The following KLHL20 variants were observed in gnomAD, a reference collection of about 807,000 sequenced individuals.
KLHL20 encodes the protein kelch like family member 20.
Under a neutral mutation model 69.5 loss-of-function variants are expected in KLHL20, and 29 were observed. The ratio of observed to expected loss-of-function variants is 0.42; its 90% CI spans 0.31 to 0.57. The LOEUF (loss-of-function observed/expected upper bound fraction) is 0.57. Among genes scored for constraint, KLHL20 ranks in the 20% least tolerant of loss-of-function variants. The pLI is 0.18. For synonymous variants in KLHL20, 253 were observed against 265.2 expected (o/e 0.95, Z 0.45); for missense variants, 419 against 776.0 (o/e 0.54, Z 5.47).
At chr1:173,746,407 T>C (rs975979729) in intron 3 of KLHL20, among the ~76,000 whole-genome samples, 4 of 152,196 alleles carry the variant, frequency 2.6e-5, no homozygotes, top group Non-Finnish European at 5.9e-5. Flanking sequence ...CTTCGTGCTT[T>C]TTTGTAAAGT....
intron 7 of KLHL20, among the ~76,000 whole-genome samples, chr1:173,761,338 A>G (rs1453831620): frequency 6.6e-6 from 1 of 152,216 alleles, no homozygotes; most frequent in East Asian, 1.9e-4. Flanking sequence ...CAAGAGGGAA[A>G]TTCAACAAAG....
intron 5 of KLHL20, among the ~76,000 whole-genome samples, chr1:173,754,455 A>C (rs577092827): frequency 6.6e-6 from 1 of 152,120 alleles, no homozygotes; most frequent in African/African-American, 2.4e-5. Flanking sequence ...ATGGTGGTGC[A>C]TGCCTGTAAT....
At chr1:173,757,381 A>G (rs2102506942) in intron 7 of KLHL20, among the ~76,000 whole-genome samples, 1 of 152,234 alleles carries the variant, frequency 6.6e-6, no homozygotes, top group Non-Finnish European at 1.5e-5. Flanking sequence ...GCATGCTACT[A>G]CAGACACATC....
intron 8 of KLHL20, among the ~76,000 whole-genome samples, chr1:173,767,297 G>C (rs1236767358): frequency 6.6e-6 from 1 of 151,992 alleles, no homozygotes; most frequent in Non-Finnish European, 1.5e-5. Context: ...CATCTGTTGA[G>C]GTACATTTAG....
chr1:173,746,227 G>C (rs1166982487), intron 3 of KLHL20, among the ~76,000 whole-genome samples: 2 of 152,048 alleles, frequency 1.3e-5, no homozygotes, highest in African/African-American at 4.8e-5. Flanking sequence ...ATTCATAAAT[G>C]ATATTAGTCT....
At chr1:173,760,995 TCA>T (rs1476679539) in intron 7 of KLHL20, among the ~76,000 whole-genome samples, 2 of 152,134 alleles carry the variant, frequency 1.3e-5, no homozygotes, top group Non-Finnish European at 2.9e-5. Context: ...TTTGGGAGAC[TCA>T]CCTAACACAT....
intron 4 of KLHL20, among the ~76,000 whole-genome samples, chr1:173,752,984 G>A (rs561144332): frequency 1.3e-5 from 2 of 151,920 alleles, no homozygotes; most frequent in East Asian, 3.9e-4. Context: ...CCTGGGCAGC[G>A]TGGTGATTCC....
intron 10 of KLHL20, among the ~76,000 whole-genome samples, chr1:173,781,074 A>G (rs1648844373): frequency 6.6e-6 from 1 of 151,762 alleles, no homozygotes; most frequent in African/African-American, 2.4e-5. Context: ...AGGGGAGAAG[A>G]AAACACCAGC....
In KLHL20 at chr1:173,745,116, C is replaced by T. The variant is rs117773790; in HGVS notation, c.598-6648C>T. 3.3e-4 allele frequency among the ~76,000 whole-genome samples: 50 copies of T among 150,164 alleles called. 1 individual carries two copies. In the East Asian group the frequency reaches 8.2e-3, roughly 25 times the overall value. On this transcript the variant is annotated intron_variant, in intron 3 of 11. Coordinates refer to ENST00000209884, the MANE Select transcript of KLHL20 (RefSeq NM_014458.4). ...TATTTCTTCAATTGTATTTTTGTATCTCTTGGGAACGTTTTATGGTTTTAT... is the reference window on the plus strand; with the variant it reads ...TATTTCTTCAATTGTATTTTTGTATTTCTTGGGAACGTTTTATGGTTTTAT...
chr1:173,721,465 G>A (rs868416245), intron 2 of KLHL20, among the ~76,000 whole-genome samples: 40 of 152,300 alleles, frequency 2.6e-4, no homozygotes, highest in African/African-American at 9.1e-4. Flanking sequence ...CTCTGCATAT[G>A]GGAAGGGCTG....
chr1:173,783,274 T>C (rs1453782858), intron 11 of KLHL20, among the ~76,000 whole-genome samples: 2 of 152,076 alleles, frequency 1.3e-5, no homozygotes, highest in Non-Finnish European at 2.9e-5. Flanking sequence ...AGGCTGGACA[T>C]GTGAGCTGAG....
At position 173,726,105 on chromosome 1, in the gene KLHL20, C is replaced by T. The variant is rs191217303; in HGVS notation, c.24-7608C>T. Reference sequence around the variant, plus strand: ...CGGCACGCCAGGAGATTATATCCCGCGCCTGGCTCAGAGGGTCCTACGCCC... The same window carrying T: ...CGGCACGCCAGGAGATTATATCCCGTGCCTGGCTCAGAGGGTCCTACGCCC... On this transcript the variant is annotated intron_variant, in intron 2 of 11. Transcript: ENST00000209884. Among the ~76,000 whole-genome samples, 156 of 152,254 alleles carry T rather than the reference C, an allele frequency of 1.0e-3. 3 individuals are homozygous for T. Among genetic ancestry groups the T allele is most frequent in the Admixed American group, 2.0e-3 (31 of 15,292 alleles).
intron 7 of KLHL20, among the ~76,000 whole-genome samples, chr1:173,758,344 T>C (rs958201980): frequency 6.6e-6 from 1 of 151,460 alleles, no homozygotes; most frequent in Non-Finnish European, 1.5e-5. Flanking sequence ...AAAAAATAAA[T>C]TGATGGCATC....
At chr1:173,776,116 T>A (rs749538568) in intron 10 of KLHL20, among the ~76,000 whole-genome samples, 9 of 152,236 alleles carry the variant, frequency 5.9e-5, no homozygotes, top group Non-Finnish European at 8.8e-5. Flanking sequence ...GACTTTTGGA[T>A]AAAAGCCATT....
intron 10 of KLHL20, among the ~76,000 whole-genome samples, chr1:173,781,194 G>A (rs906866232): frequency 2.6e-5 from 4 of 152,138 alleles, no homozygotes; most frequent in African/African-American, 9.7e-5. Context: ...TAGGAGTAAA[G>A]GGAAACTATA....
chr1:173,741,509 A>G (rs184413462), intron 3 of KLHL20, among the ~76,000 whole-genome samples: 1 of 152,372 alleles, frequency 6.6e-6, no homozygotes, highest in East Asian at 1.9e-4. Flanking sequence ...TGACTAACCC[A>G]GAAAAGACAG....
At chr1:173,733,088 C>T (rs1389178064) in intron 2 of KLHL20, among the ~76,000 whole-genome samples, 4 of 145,120 alleles carry the variant, frequency 2.8e-5, no homozygotes, top group Non-Finnish European at 4.5e-5. Flanking sequence ...GATGCAATCT[C>T]GGCTTACTGC....
At chr1:173,751,688 A>C in intron 3 of KLHL20, 76 bp from the exon 4 acceptor site, 3 of 1,450,260 alleles carry the variant, frequency 2.1e-6, no homozygotes, top group South Asian at 1.2e-5. Flanking sequence ...GCTTTGTCCC[A>C]TAACCCTGAA....
intron 7 of KLHL20, among the ~76,000 whole-genome samples, chr1:173,761,730 A>G (rs899801483): frequency 1.3e-5 from 2 of 152,198 alleles, no homozygotes; most frequent in Admixed American, 6.5e-5. Context: ...TGGGATACAC[A>G]GCAAAGGCGG....
Sources: gnomAD v4.1 joint callset for allele counts (sites outside exome capture counted in the v4.1 genomes callset) on GRCh38, gnomAD v4.1.1 for gene constraint, MANE v1.5 for transcripts, NCBI Gene and HGNC (gene_info 2026-07-23, HGNC 2026-07-21) for gene names.